Variants in PAPPA2 observed in about 807,000 individuals in gnomAD.
The protein encoded by PAPPA2 is pappalysin 2.
A neutral mutation model predicts 176.4 loss-of-function variants in PAPPA2; 86 were observed. That is an observed-to-expected ratio of 0.49 (90% CI 0.41 to 0.58). The LOEUF is 0.58. PAPPA2 is among the 20% of genes least tolerant of loss of function. The pLI, the probability that PAPPA2 is intolerant of heterozygous loss-of-function variation, is 0.00. For missense variants in PAPPA2, 2,073 were observed against 2,256.9 expected (o/e 0.92, Z 1.65); for synonymous variants, 809 against 852.2 (o/e 0.95, Z 0.88).
At chr1:176,706,546 TATA>T in intron 10 of PAPPA2, 96 bp downstream of exon 10, 1 of 1,033,360 alleles carries the variant, frequency 9.7e-7, no homozygotes, top group Non-Finnish European at 1.5e-6. Context: ...GCTTAGTGAT[TATA>T]ATAATAACCT....
intron 21 of PAPPA2, among the ~76,000 whole-genome samples, chr1:176,819,314 T>TTTG (rs528222425): frequency 2.9e-4 from 44 of 152,124 alleles, no homozygotes; most frequent in East Asian, 5.8e-4. Context: ...TATTGACAGT[T>TTTG]TTGTTGTTGT....
chr1:176,579,791 A>G (rs758151405), intron 2 of PAPPA2, among the ~76,000 whole-genome samples: 3 of 152,138 alleles, frequency 2.0e-5, no homozygotes, highest in Non-Finnish European at 2.9e-5. Context: ...AACTTCTCTG[A>G]TTCTCAGTTT....
At chr1:176,523,769 A>G (rs1649330878) in intron 1 of PAPPA2, among the ~76,000 whole-genome samples, 6 of 152,202 alleles carry the variant, frequency 3.9e-5, no homozygotes, top group Admixed American at 3.9e-4. Flanking sequence ...TACCTACCCC[A>G]TTTAGCAAAG....
intron 3 of PAPPA2, among the ~76,000 whole-genome samples, chr1:176,610,869 A>G (rs1320363878): frequency 6.6e-6 from 1 of 152,214 alleles, no homozygotes; most frequent in African/African-American, 2.4e-5. Context: ...TTTATTGAGT[A>G]TCTACTACGA....
intron 15 of PAPPA2, among the ~76,000 whole-genome samples, chr1:176,767,361 A>G (rs910080179): frequency 1.3e-5 from 2 of 152,064 alleles, no homozygotes; most frequent in African/African-American, 2.4e-5. Flanking sequence ...TTTTTTTGAG[A>G]CGGAGTCTCG....
intron 14 of PAPPA2, among the ~76,000 whole-genome samples, chr1:176,760,016 G>T (rs1227332415): frequency 6.6e-6 from 1 of 152,176 alleles, no homozygotes; most frequent in Non-Finnish European, 1.5e-5. Context: ...AGTTCACGGT[G>T]ATAGGGGAAA....
At chr1:176,755,751 G>T (rs528343833) in intron 14 of PAPPA2, among the ~76,000 whole-genome samples, 1 of 152,174 alleles carries the variant, frequency 6.6e-6, no homozygotes, top group African/African-American at 2.4e-5. Context: ...ACTGACCTCT[G>T]TACAGTCAAA....
chr1:176,780,457 G>A (rs957362082), intron 17 of PAPPA2, among the ~76,000 whole-genome samples: 4 of 152,154 alleles, frequency 2.6e-5, no homozygotes, highest in African/African-American at 4.8e-5. Context: ...GGGAGGGAAG[G>A]AGAGGTGGAG....
At chr1:176,774,291 G>A (rs1472343771) in intron 17 of PAPPA2, among the ~76,000 whole-genome samples, 1 of 152,066 alleles carries the variant, frequency 6.6e-6, no homozygotes, top group Non-Finnish European at 1.5e-5. Context: ...ATTCATACCT[G>A]CCACTATAGT....
At chr1:176,495,871 G>A (rs991130438) in intron 1 of PAPPA2, among the ~76,000 whole-genome samples, 1 of 151,584 alleles carries the variant, frequency 6.6e-6, no homozygotes, top group East Asian at 1.9e-4. Flanking sequence ...GGGCTCTAGC[G>A]ATCCTCCCGC....
intron 21 of PAPPA2, among the ~76,000 whole-genome samples, chr1:176,834,671 A>C (rs1344052161): frequency 7.2e-5 from 11 of 152,118 alleles, no homozygotes; most frequent in Non-Finnish European, 1.5e-4. Flanking sequence ...GCTGAGAAAA[A>C]CAGGAGTGAA....
intron 3 of PAPPA2, among the ~76,000 whole-genome samples, chr1:176,605,995 A>G (rs912293350): frequency 6.6e-6 from 1 of 152,064 alleles, no homozygotes; most frequent in Non-Finnish European, 1.5e-5. Flanking sequence ...CATGATTTAG[A>G]TTTCAAACTC....
intron 21 of PAPPA2, among the ~76,000 whole-genome samples, chr1:176,814,616 A>G (rs1172064009): frequency 6.6e-6 from 1 of 152,162 alleles, no homozygotes; most frequent in Non-Finnish European, 1.5e-5. Flanking sequence ...AATGCTAATG[A>G]TTTTTGCACA....
intron 1 of PAPPA2, among the ~76,000 whole-genome samples, chr1:176,542,045 A>T (rs1387944437): frequency 6.6e-6 from 1 of 152,244 alleles, no homozygotes; most frequent in Admixed American, 6.5e-5. Context: ...AAGTAGGTTC[A>T]AGCATTTGAT....
chr1:176,685,958 TGTGA>T (rs1216528116), intron 4 of PAPPA2, among the ~76,000 whole-genome samples: 6 of 152,196 alleles, frequency 3.9e-5, no homozygotes, highest in African/African-American at 9.6e-5. Flanking sequence ...CCTACATCGA[TGTGA>T]GTGTGTGTGT....
At chr1:176,640,686 G>C (rs1184376097) in intron 3 of PAPPA2, among the ~76,000 whole-genome samples, 3 of 150,852 alleles carry the variant, frequency 2.0e-5, no homozygotes, top group African/African-American at 7.3e-5. Flanking sequence ...ATGATTTATA[G>C]TCCTTTGGGC....
intron 4 of PAPPA2, among the ~76,000 whole-genome samples, chr1:176,675,742 C>T (rs987151543): frequency 2.0e-5 from 3 of 151,904 alleles, no homozygotes; most frequent in African/African-American, 7.2e-5. Context: ...GAGAATCTTG[C>T]AAACTGACAA....
chr1:176,800,135 A>G lies in PAPPA2; in HGVS notation c.5202+3A>G. Reference sequence around the variant, plus strand: ...TCCACTGCATCCAGTCATGTGAGGTAAGATAGCCTCCCCTTCCCCAACTCA... The same window carrying G: ...TCCACTGCATCCAGTCATGTGAGGTGAGATAGCCTCCCCTTCCCCAACTCA... On this transcript the variant is annotated splice_donor_region_variant and intron_variant, in intron 21 of 22. Coordinates refer to ENST00000367662, the MANE Select transcript of PAPPA2 (RefSeq NM_020318.3). The G allele has an allele frequency of 6.2e-7, 1 of 1,613,938 alleles. No homozygotes were observed. Among genetic ancestry groups the G allele is most frequent in the Middle Eastern group, 1.7e-4 (1 of 6,060 alleles).
At chr1:176,475,964 T>C (rs954400460) in intron 1 of PAPPA2, among the ~76,000 whole-genome samples, 2 of 152,200 alleles carry the variant, frequency 1.3e-5, no homozygotes, top group Non-Finnish European at 2.9e-5. Context: ...GCAGGCAGTG[T>C]GCAATTTTTC....
Sources: allele counts gnomAD v4.1 joint callset (sites outside exome capture counted in the v4.1 genomes callset), GRCh38; gene constraint gnomAD v4.1.1; transcripts MANE v1.5; gene names NCBI Gene and HGNC (gene_info 2026-07-23, HGNC 2026-07-21).